The following PLEKHG7 variants were observed in gnomAD, a reference collection of about 807,000 sequenced individuals.
The protein encoded by PLEKHG7 is pleckstrin homology domain-containing family G member 7.
A neutral mutation model predicts 85.2 loss-of-function variants in PLEKHG7; 77 were observed. That is an observed-to-expected ratio of 0.90 (90% CI 0.75 to 1.09). The LOEUF is 1.09. Ranked by LOEUF, PLEKHG7 falls within the 50% of genes least tolerant of loss-of-function variation. PLEKHG7 has a pLI of 0.00. For missense variants in PLEKHG7, 777 were observed against 804.3 expected, an observed-to-expected ratio of 0.97 and a Z score of 0.41; for synonymous variants, 301 against 302.4, an observed-to-expected ratio of 1.00 and a Z score of 0.05.
chr12:92,716,480 C>T (rs924500410), intron 3 of PLEKHG7, among the ~76,000 whole-genome samples: 1 of 152,240 alleles, frequency 6.6e-6, no homozygotes, highest in African/African-American at 2.4e-5. Context: ...AAAACCCTTG[C>T]TCTCACGTTT....
At chr12:92,728,897 C>T (rs1043205291) in intron 3 of PLEKHG7, 96 bp from the exon 4 acceptor site, 5 of 1,015,182 alleles carry the variant, frequency 4.9e-6, no homozygotes, top group Non-Finnish European at 6.3e-6. Flanking sequence ...CACAACCACG[C>T]CAACATCTGT....
chr12:92,720,285 A>G (rs957308030), intron 3 of PLEKHG7, among the ~76,000 whole-genome samples: 5 of 149,838 alleles, frequency 3.3e-5, no homozygotes, highest in South Asian at 4.2e-4. Context: ...TCGTCTTCAC[A>G]TACCCTTCTC....
intron 4 of PLEKHG7, among the ~76,000 whole-genome samples, chr12:92,729,343 G>A (rs1871916361): frequency 6.6e-6 from 1 of 151,030 alleles, no homozygotes; most frequent in Admixed American, 6.6e-5. Flanking sequence ...GATGAATAAG[G>A]TATGGTTCTT....
chr12:92,752,014 T>A (rs1341397995), intron 10 of PLEKHG7, among the ~76,000 whole-genome samples: 4 of 149,862 alleles, frequency 2.7e-5, no homozygotes, highest in African/African-American at 9.8e-5. Context: ...AAGATCCTGT[T>A]CCCCATCCCC....
chr12:92,717,563 G>T lies in PLEKHG7; in HGVS notation c.530+9891G>T, dbSNP rs143116658. ...TTAATGATGCTTTTGTCAACAATGG[G>T]CCTCATATACAATAGTGGTCCCGTA... is the stretch of plus-strand genomic sequence containing the variant. On this transcript the variant is annotated intron_variant, in intron 3 of 16. Coordinates refer to ENST00000344636, the MANE Select transcript of PLEKHG7 (RefSeq NM_001377329.1). Among the ~76,000 whole-genome samples the T allele has an allele frequency of 8.8e-3, 1,347 of 152,308 alleles. 16 individuals carry two copies. Among genetic ancestry groups the T allele is most frequent in the African/African-American group, 0.03 (1,228 of 41,556 alleles).
chr12:92,753,295 A>C (rs915979369), intron 10 of PLEKHG7, among the ~76,000 whole-genome samples: 1 of 152,134 alleles, frequency 6.6e-6, no homozygotes, highest in Non-Finnish European at 1.5e-5. Context: ...TGCCACCTTC[A>C]TTAAAGCCAG....
At chr12:92,768,894 A>G in intron 15 of PLEKHG7, 89 bp from the exon 16 acceptor site, 1 of 920,326 alleles carries the variant, frequency 1.1e-6, no homozygotes, top group Non-Finnish European at 1.6e-6. Flanking sequence ...AGCCAAATAG[A>G]AAACAAACCC....
rs1050516466 is a variant in PLEKHG7, at chr12:92,712,752, G to C, written c.530+5080G>C. Reference sequence around the variant, plus strand: ...GTCAGGAAGCCAATGTGGGGGTTCTGCCAGCTGCTAAGTATGTCTATGCCA... The same window carrying C: ...GTCAGGAAGCCAATGTGGGGGTTCTCCCAGCTGCTAAGTATGTCTATGCCA... On this transcript the variant is annotated intron_variant, in intron 3 of 16. Coordinates refer to ENST00000344636, the MANE Select transcript of PLEKHG7 (RefSeq NM_001377329.1). 2.0e-5 allele frequency among the ~76,000 whole-genome samples: 3 copies of C among 152,072 alleles called. No homozygotes were observed. In the East Asian group the frequency reaches 5.8e-4, roughly 29 times the overall value.
chr12:92,737,677 G>A (rs968914631), intron 7 of PLEKHG7, among the ~76,000 whole-genome samples, 156 bp downstream of exon 7: 2 of 142,966 alleles, frequency 1.4e-5, no homozygotes, highest in Admixed American at 7.1e-5. Context: ...AGGAAAGGAA[G>A]GAAGACAAGA....
At chr12:92,765,236 C>T (rs1484680615) in intron 15 of PLEKHG7, among the ~76,000 whole-genome samples, 4 of 151,842 alleles carry the variant, frequency 2.6e-5, no homozygotes, top group African/African-American at 9.7e-5. Flanking sequence ...ACTATAATCC[C>T]AGTACTTTGG....
At chr12:92,721,330 C>T in intron 3 of PLEKHG7, 1 of 589,558 alleles carries the variant, frequency 1.7e-6, no homozygotes, top group Non-Finnish European at 2.5e-6. Context: ...ACGGCCTGCT[C>T]AGCAGTGGGG....
chr12:92,759,833 C>A (rs184930193), intron 13 of PLEKHG7, among the ~76,000 whole-genome samples: 10 of 152,314 alleles, frequency 6.6e-5, no homozygotes, highest in South Asian at 2.1e-4. Flanking sequence ...AGTGCTGTAC[C>A]ATTCCTAGCC....
chr12:92,745,330 C>T, intron 9 of PLEKHG7, 148 bp from the exon 10 acceptor site: 1 of 579,346 alleles, frequency 1.7e-6, no homozygotes. Context: ...TTTGTATTTC[C>T]ATGCAGTTGT....
chr12:92,714,676 G>A (rs1871432948), intron 3 of PLEKHG7, among the ~76,000 whole-genome samples: 1 of 152,058 alleles, frequency 6.6e-6, no homozygotes, highest in South Asian at 2.1e-4. Context: ...CTGAACTTAG[G>A]AGCACCCAAC....
At chr12:92,730,345 CAATT>C (rs1871946931) in intron 4 of PLEKHG7, among the ~76,000 whole-genome samples, 1 of 152,158 alleles carries the variant, frequency 6.6e-6, no homozygotes, top group Non-Finnish European at 1.5e-5. Flanking sequence ...AGAATGCTGT[CAATT>C]AGTTAACAAC....
chr12:92,710,930 C>T (rs181433787), intron 3 of PLEKHG7, among the ~76,000 whole-genome samples: 25 of 152,308 alleles, frequency 1.6e-4, no homozygotes, highest in South Asian at 4.1e-4. Context: ...TGAGCACCTA[C>T]GTGGGGTACA....
intron 3 of PLEKHG7, among the ~76,000 whole-genome samples, chr12:92,727,927 GGTGT>G (rs540230230): frequency 0.12 from 10,083 of 84,822 alleles, 1,421 homozygotes; most frequent in Non-Finnish European, 0.15. Flanking sequence ...GGTATTCTAT[GGTGT>G]GTGTGTGTGT....
intron 10 of PLEKHG7, among the ~76,000 whole-genome samples, chr12:92,750,942 C>CAGTA (rs1555195995): frequency 1.3e-5 from 2 of 150,364 alleles, no homozygotes; most frequent in African/African-American, 2.5e-5. Context: ...TACCCTGTCT[C>CAGTA]AATAAATAAA....
intron 7 of PLEKHG7, among the ~76,000 whole-genome samples, chr12:92,739,299 A>G (rs1402137878): frequency 1.3e-5 from 2 of 152,208 alleles, no homozygotes; most frequent in Admixed American, 6.5e-5. Context: ...GAATGTGCCA[A>G]TTGGCTTAAG....
Sources: allele counts gnomAD v4.1 joint callset (sites outside exome capture counted in the v4.1 genomes callset), GRCh38; gene constraint gnomAD v4.1.1; transcripts MANE v1.5; gene names NCBI Gene and HGNC (gene_info 2026-07-23, HGNC 2026-07-21).